PRICKLE1: variants seen among roughly 807,000 people sequenced by gnomAD.
The protein encoded by PRICKLE1 is prickle-like protein 1.
In PRICKLE1, 14 loss-of-function variants were observed where a neutral mutation model predicts 70.2. The ratio of observed to expected loss-of-function variants is 0.20; its 90% CI spans 0.13 to 0.31. PRICKLE1 has a LOEUF of 0.31. Among genes scored for constraint, PRICKLE1 ranks in the 10% least tolerant of loss-of-function variants. The pLI, the probability that PRICKLE1 is intolerant of heterozygous loss-of-function variation, is 1.00. For synonymous variants in PRICKLE1, 357 were observed against 379.9 expected (o/e 0.94, Z 0.70); for missense variants, 821 against 1,026.2 (o/e 0.80, Z 2.73).
intron 1 of PRICKLE1, among the ~76,000 whole-genome samples, chr12:42,579,858 T>C (rs2120791024): frequency 6.6e-6 from 1 of 151,928 alleles, no homozygotes; most frequent in East Asian, 1.9e-4. Context: ...TTATTATTTT[T>C]TTGAGATGGA....
chr12:42,518,837 T>C (rs1308113104), intron 1 of PRICKLE1, among the ~76,000 whole-genome samples: 1 of 152,204 alleles, frequency 6.6e-6, no homozygotes, highest in African/African-American at 2.4e-5. Flanking sequence ...CCCTATAGCC[T>C]TCTGATAAAC....
rs1214105402 is a variant in PRICKLE1, at chr12:42,457,793, C to CAT, written c.*2014_*2015dup. ...AGGTCACTACCACTTTTAAAAGACA[C>CAT]ATTTATACGAATGTGCTTTGAATGT... On this transcript the variant is annotated 3_prime_UTR_variant, in exon 8 of 8. Coordinates refer to ENST00000345127, the MANE Select transcript of PRICKLE1 (RefSeq NM_153026.3). The CAT allele has an allele frequency of 2.6e-5, 4 of 152,172 alleles. No individual in the cohort carries two copies. The highest frequency in any genetic ancestry group is 9.7e-5 in the African/African-American group (4 of 41,422). The allele number at this position is 152,172 out of a possible 1,614,324, so 9.4% of individuals were successfully genotyped here. A position where few individuals can be genotyped will look rare whatever the true frequency, so the allele number is the denominator to read the frequency against.
chr12:42,509,026 C>T (rs1193457123), intron 1 of PRICKLE1, among the ~76,000 whole-genome samples: 1 of 152,218 alleles, frequency 6.6e-6, no homozygotes. Context: ...TGTTGCTCCA[C>T]CCCAGAGTGA....
At chr12:42,468,207 A>G (rs908025214) in intron 5 of PRICKLE1, among the ~76,000 whole-genome samples, 1 of 152,190 alleles carries the variant, frequency 6.6e-6, no homozygotes, top group African/African-American at 2.4e-5. Context: ...GGTAACTACT[A>G]TTAATTTGGT....
intron 1 of PRICKLE1, among the ~76,000 whole-genome samples, chr12:42,480,065 C>A (rs1191321880): frequency 6.6e-6 from 1 of 152,178 alleles, no homozygotes; most frequent in African/African-American, 2.4e-5. Flanking sequence ...ATTTTGAGCA[C>A]AGTAGAAAAC....
chr12:42,461,484 C>G (rs1937833619), intron 7 of PRICKLE1, among the ~76,000 whole-genome samples: 1 of 152,146 alleles, frequency 6.6e-6, no homozygotes, highest in African/African-American at 2.4e-5. Context: ...ACAGCCACAC[C>G]TATTTGTTTA....
At chr12:42,508,585 T>C (rs879933637) in intron 1 of PRICKLE1, among the ~76,000 whole-genome samples, 1 of 152,214 alleles carries the variant, frequency 6.6e-6, no homozygotes, top group African/African-American at 2.4e-5. Context: ...TAAATAGCTT[T>C]ATTTCTTAGA....
At chr12:42,546,905 C>A (rs1320891978) in intron 1 of PRICKLE1, among the ~76,000 whole-genome samples, 7 of 152,140 alleles carry the variant, frequency 4.6e-5, no homozygotes, top group Non-Finnish European at 1.0e-4. Flanking sequence ...TGTCCTTGGG[C>A]CTTTCACTTT....
chr12:42,470,239 A>C lies in PRICKLE1; in HGVS notation c.246+7T>G. 3.2e-6 allele frequency: 5 copies of C among 1,573,056 alleles called. No individual in the cohort carries two copies. The highest frequency in any genetic ancestry group is 4.4e-6 in the Non-Finnish European group (5 of 1,142,700). ...TTTTCTAATTAGCCTTCTTCCTGCT[A>C]TTTTACCTCATTATCATGTGGTGGT... is the stretch of plus-strand genomic sequence containing the variant. On this transcript the variant is annotated splice_region_variant and intron_variant, in intron 3 of 7. Coordinates refer to ENST00000345127, the MANE Select transcript of PRICKLE1 (RefSeq NM_153026.3).
At chr12:42,489,441 C>G (rs1939051039) in intron 1 of PRICKLE1, among the ~76,000 whole-genome samples, 2 of 150,522 alleles carry the variant, frequency 1.3e-5, no homozygotes, top group African/African-American at 4.9e-5. Flanking sequence ...GGGCAGATCA[C>G]TTGAGGTGAG....
Position 42,570,033 on chromosome 12 carries a change from A to G in PRICKLE1, c.-49+19432T>C, listed in dbSNP as rs575195885. On this transcript the variant is annotated intron_variant, in intron 1 of 7. Coordinates refer to ENST00000345127, the MANE Select transcript of PRICKLE1 (RefSeq NM_153026.3). ...TGGCACTGTGCTAATGGACAAGTAAACTTTCAAGAAAAGCAAGGCAAAGCC... is the reference window on the plus strand; with the variant it reads ...TGGCACTGTGCTAATGGACAAGTAAGCTTTCAAGAAAAGCAAGGCAAAGCC... Among the ~76,000 whole-genome samples, 8 of 152,352 alleles carry G rather than the reference A, an allele frequency of 5.3e-5. No homozygotes were observed. The South Asian group carries it at 1.7e-3, about 32-fold the overall frequency.
At chr12:42,576,449 C>A (rs1940808193) in intron 1 of PRICKLE1, among the ~76,000 whole-genome samples, 1 of 152,146 alleles carries the variant, frequency 6.6e-6, no homozygotes, top group Non-Finnish European at 1.5e-5. Context: ...TATTTCTGTT[C>A]CACCCTCTAA....
Position 42,460,795 on chromosome 12 carries a change from G to A in PRICKLE1, c.1640-130C>T, listed in dbSNP as rs1937800101. 1.2e-5 allele frequency: 13 copies of A among 1,088,924 alleles called. No individual in the cohort carries two copies. The South Asian group carries it at 1.5e-4, about 12-fold the overall frequency. 67.5% of individuals were successfully genotyped at this position (1,088,924 alleles called of 1,614,324 possible). ...CTCAATATTTGATTAAAACCCATAG[G>A]GAAAGCCAACATGTATCTATGCCAA... On this transcript the variant is annotated intron_variant, in intron 7 of 7. Coordinates refer to ENST00000345127, the MANE Select transcript of PRICKLE1 (RefSeq NM_153026.3).
chr12:42,572,461 A>T (rs1406269215), intron 1 of PRICKLE1, among the ~76,000 whole-genome samples: 2 of 149,374 alleles, frequency 1.3e-5, no homozygotes, highest in African/African-American at 4.9e-5. Context: ...ATAAATAAAT[A>T]AATAAATAAA....
At chr12:42,542,110 G>A (rs1940128222) in intron 1 of PRICKLE1, among the ~76,000 whole-genome samples, 1 of 152,152 alleles carries the variant, frequency 6.6e-6, no homozygotes, top group South Asian at 2.1e-4. Flanking sequence ...GCCTAGTAAG[G>A]AGCAGAGCTA....
chr12:42,540,159 A>G (rs1474941656), intron 1 of PRICKLE1, among the ~76,000 whole-genome samples: 2 of 152,268 alleles, frequency 1.3e-5, no homozygotes, highest in African/African-American at 4.8e-5. Flanking sequence ...GCTACATAAC[A>G]TAAGCCAATA....
At chr12:42,468,361 T>A (rs878885926) in intron 5 of PRICKLE1, among the ~76,000 whole-genome samples, 1 of 152,212 alleles carries the variant, frequency 6.6e-6, no homozygotes, top group Non-Finnish European at 1.5e-5. Context: ...ATAATACTTA[T>A]CAAAGTACAA....
rs539274089 is a variant in PRICKLE1 at position 42,555,119 on chromosome 12, A to G, written c.-49+34346T>C. Among the ~76,000 whole-genome samples, 4 of 152,270 alleles carry G rather than the reference A, an allele frequency of 2.6e-5. No homozygotes were observed. In the South Asian group the frequency reaches 8.3e-4, roughly 32 times the overall value. ...GGAGCTCGAGACCAGACTGGGCAACATGGTGAAACCCTGTCTCCACTAAAA... is the reference window on the plus strand; with the variant it reads ...GGAGCTCGAGACCAGACTGGGCAACGTGGTGAAACCCTGTCTCCACTAAAA... On this transcript the variant is annotated intron_variant, in intron 1 of 7. Transcript: ENST00000345127.
chr12:42,549,027 GAGAATCGCT>G (rs1302419641), intron 1 of PRICKLE1, among the ~76,000 whole-genome samples: 1 of 148,336 alleles, frequency 6.7e-6, no homozygotes, highest in Admixed American at 6.9e-5. Flanking sequence ...GTTGAGGCAG[GAGAATCGCT>G]TGAACCTGGG....
Sources: allele counts gnomAD v4.1 joint callset (sites outside exome capture counted in the v4.1 genomes callset), GRCh38; gene constraint gnomAD v4.1.1; transcripts MANE v1.5; gene names NCBI Gene and HGNC (gene_info 2026-07-23, HGNC 2026-07-21).